PLXDC2: variants seen among roughly 807,000 people sequenced by gnomAD.
PLXDC2 encodes the protein plexin domain-containing protein 2.
A neutral mutation model predicts 68.9 loss-of-function variants in PLXDC2; 40 were observed. The observed-to-expected ratio is 0.58, with a 90% confidence interval of 0.45 to 0.76. PLXDC2 has a LOEUF of 0.76. PLXDC2 is among the 30% of genes least tolerant of loss of function. The probability of loss-of-function intolerance (pLI) is 0.00; values close to 1 mark genes in which losing one functional copy is unlikely to be tolerated. For missense variants in PLXDC2, 644 were observed against 661.9 expected (o/e 0.97, Z 0.30); for synonymous variants, 243 against 234.2 (o/e 1.04, Z -0.34).
chr10:20,088,745 A>G (rs1193698544), intron 4 of PLXDC2, among the ~76,000 whole-genome samples: 1 of 152,132 alleles, frequency 6.6e-6, no homozygotes, highest in Admixed American at 6.6e-5. Context: ...AAAATTGGGT[A>G]TATCAATCAC....
chr10:19,856,937 G>T (rs1837225408), intron 1 of PLXDC2, among the ~76,000 whole-genome samples: 1 of 152,190 alleles, frequency 6.6e-6, no homozygotes, highest in Non-Finnish European at 1.5e-5. Context: ...AGATAGATAT[G>T]TACAAAATAA....
intron 1 of PLXDC2, among the ~76,000 whole-genome samples, chr10:19,908,113 A>G (rs930778726): frequency 6.6e-6 from 1 of 152,216 alleles, no homozygotes; most frequent in Admixed American, 6.5e-5. Flanking sequence ...TATGTAAAAA[A>G]GATCTTAAGA....
At chr10:19,909,761 C>T (rs1291525355) in intron 1 of PLXDC2, among the ~76,000 whole-genome samples, 1 of 152,120 alleles carries the variant, frequency 6.6e-6, no homozygotes, top group Non-Finnish European at 1.5e-5. Flanking sequence ...TAGGTCATTA[C>T]ACAAATGATG....
At chr10:19,851,191 T>C (rs1317211459) in intron 1 of PLXDC2, among the ~76,000 whole-genome samples, 2 of 152,182 alleles carry the variant, frequency 1.3e-5, no homozygotes, top group African/African-American at 4.8e-5. Context: ...TCAGGAAGAT[T>C]GCTTTTCTCT....
At chr10:20,088,152 T>C (rs1412193522) in intron 4 of PLXDC2, among the ~76,000 whole-genome samples, 1 of 152,208 alleles carries the variant, frequency 6.6e-6, no homozygotes, top group Admixed American at 6.5e-5. Context: ...CCTGGAGTTG[T>C]TTCAAATCTA....
In PLXDC2 at chr10:19,898,271, G is replaced by A. The variant is rs188988043; in HGVS notation, c.112+81080G>A. Among the ~76,000 whole-genome samples the A allele has an allele frequency of 2.0e-4, 31 of 152,232 alleles. No individual in the cohort carries two copies. In the East Asian group the frequency reaches 5.6e-3, roughly 28 times the overall value. ...CTAGAGTATATTGTGTGATGTTAAG[G>A]TTTAGAGTGCAAATGATCCCAGGAA... is the stretch of plus-strand genomic sequence containing the variant. On this transcript the variant is annotated intron_variant, in intron 1 of 13. Coordinates refer to ENST00000377252, the MANE Select transcript of PLXDC2 (RefSeq NM_032812.9).
At chr10:19,997,795 C>T (rs1834866454) in intron 1 of PLXDC2, among the ~76,000 whole-genome samples, 1 of 151,984 alleles carries the variant, frequency 6.6e-6, no homozygotes, top group African/African-American at 2.4e-5. Context: ...ATTAACTGAA[C>T]GTTGTGGGGT....
intron 2 of PLXDC2, among the ~76,000 whole-genome samples, chr10:20,008,534 C>A (rs189228462): frequency 6.6e-6 from 1 of 151,892 alleles, no homozygotes; most frequent in South Asian, 2.1e-4. Flanking sequence ...GCCTGGGTGA[C>A]GAAAGTGAAA....
At chr10:20,117,051 GAA>G (rs5783719) in intron 4 of PLXDC2, among the ~76,000 whole-genome samples, 6,297 of 148,348 alleles carry the variant, frequency 0.042, 177 homozygotes, top group South Asian at 0.072. Context: ...CCTTAAAAAT[GAA>G]AAAAAAAAAT....
chr10:20,157,498 A>G (rs1834232474), intron 6 of PLXDC2, among the ~76,000 whole-genome samples: 1 of 152,212 alleles, frequency 6.6e-6, no homozygotes, highest in Non-Finnish European at 1.5e-5. Context: ...TCCATTAACT[A>G]TTACTTAAGC....
At chr10:19,913,613 G>A (rs1589533232) in intron 1 of PLXDC2, among the ~76,000 whole-genome samples, 1 of 152,224 alleles carries the variant, frequency 6.6e-6, no homozygotes, top group East Asian at 1.9e-4. Flanking sequence ...TCGAAATGTA[G>A]GGTGAATGTG....
chr10:19,818,969 A>T (rs1031231592), intron 1 of PLXDC2, among the ~76,000 whole-genome samples: 2 of 152,172 alleles, frequency 1.3e-5, no homozygotes, highest in East Asian at 3.9e-4. Flanking sequence ...AATAAATGCC[A>T]GCAAATGTTT....
chr10:20,257,997 C>CTT (rs550997528), intron 13 of PLXDC2, among the ~76,000 whole-genome samples: 1,133 of 84,286 alleles, frequency 0.013, 26 homozygotes, highest in African/African-American at 0.039. Flanking sequence ...TTTTTTCTTT[C>CTT]TTTTTTTTTT....
chr10:20,041,051 A>C (rs369551472), intron 2 of PLXDC2, among the ~76,000 whole-genome samples: 2 of 152,198 alleles, frequency 1.3e-5, no homozygotes, highest in African/African-American at 4.8e-5. Context: ...TTCCCTTTAC[A>C]TAATTTTCTT....
At chr10:20,102,545 A>G (rs1833437219) in intron 4 of PLXDC2, among the ~76,000 whole-genome samples, 1 of 152,158 alleles carries the variant, frequency 6.6e-6, no homozygotes, top group Non-Finnish European at 1.5e-5. Context: ...TATGTTTTGA[A>G]GGGATTGGTA....
intron 4 of PLXDC2, among the ~76,000 whole-genome samples, chr10:20,068,821 AG>A (rs1836265673): frequency 6.6e-6 from 1 of 151,808 alleles, no homozygotes; most frequent in Non-Finnish European, 1.5e-5. Context: ...ACAAGCTTGG[AG>A]GTTAGTTTAG....
intron 9 of PLXDC2, among the ~76,000 whole-genome samples, chr10:20,182,581 A>C (rs1173054252): frequency 6.6e-6 from 1 of 151,996 alleles, no homozygotes; most frequent in East Asian, 1.9e-4. Context: ...CTATTTTTAC[A>C]GACAGATGTT....
chr10:19,931,515 G>A (rs1833633741), intron 1 of PLXDC2, among the ~76,000 whole-genome samples: 1 of 152,162 alleles, frequency 6.6e-6, no homozygotes, highest in Non-Finnish European at 1.5e-5. Flanking sequence ...GCTATTTAAA[G>A]GAATCCTTCA....
At position 19,987,562 on chromosome 10, in the gene PLXDC2, GTTT is replaced by G. The variant is rs762882608; in HGVS notation, c.113-14206_113-14204del. Among the ~76,000 whole-genome samples the G allele has an allele frequency of 0.014, 228 of 16,836 alleles. No individual in the cohort carries two copies. The East Asian group carries it at 0.19, about 14-fold the overall frequency. 11.0% of individuals were successfully genotyped at this position (16,836 alleles called of 152,430 possible). On this transcript the variant is annotated intron_variant, in intron 1 of 13. Transcript: ENST00000377252. ...TGTTGATGTTATTTGGTTTTGTTTTGTTTTTTTTTCTTTTTTTGCGGCGGAATC... is the reference window on the plus strand; with the variant it reads ...TGTTGATGTTATTTGGTTTTGTTTTGTTTTTTCTTTTTTTGCGGCGGAATC...
Sources: gnomAD v4.1 joint callset for allele counts (sites outside exome capture counted in the v4.1 genomes callset) on GRCh38, gnomAD v4.1.1 for gene constraint, MANE v1.5 for transcripts, NCBI Gene and HGNC (gene_info 2026-07-23, HGNC 2026-07-21) for gene names.